The following TUSC3 variants were observed in gnomAD, a reference collection of about 807,000 sequenced individuals.
TUSC3 encodes dolichyl-diphosphooligosaccharide--protein glycosyltransferase subunit TUSC3.
TUSC3 carries 45 observed loss-of-function variants against 44.8 expected under a neutral mutation model. That is an observed-to-expected ratio of 1.00 (90% CI 0.79 to 1.29). The LOEUF (loss-of-function observed/expected upper bound fraction) is 1.29, where lower values mean the gene tolerates loss of function less well. TUSC3 is among the 50% of genes most tolerant of loss of function. The pLI, the probability that TUSC3 is intolerant of heterozygous loss-of-function variation, is 0.00. For missense variants in TUSC3, 519 were observed against 437.9 expected (o/e 1.19, Z -1.65); for synonymous variants, 212 against 152.9 (o/e 1.39, Z -2.85).
chr8:15,740,374 T>G (rs1311357050), intron 7 of TUSC3, among the ~76,000 whole-genome samples: 1 of 152,084 alleles, frequency 6.6e-6, no homozygotes, highest in Admixed American at 6.6e-5. Context: ...ACATTAAAAT[T>G]AAAGTTTTCT....
chr8:15,468,852 A>G (rs149690809), intron 1 of TUSC3, among the ~76,000 whole-genome samples: 138 of 152,232 alleles, frequency 9.1e-4, no homozygotes, highest in African/African-American at 3.2e-3. Flanking sequence ...TTAGAAATAT[A>G]TTAAAATATT....
At chr8:15,449,537 C>A (rs1240780849) in intron 1 of TUSC3, among the ~76,000 whole-genome samples, 2 of 152,078 alleles carry the variant, frequency 1.3e-5, no homozygotes, top group Non-Finnish European at 2.9e-5. Context: ...TGGTTAAAAT[C>A]AGTGGTGGAG....
Position 15,610,617 on chromosome 8 carries a change from C to T in TUSC3, c.139-12463C>T, listed in dbSNP as rs149912869. Among the ~76,000 whole-genome samples, 121 of 152,196 alleles carry T rather than the reference C, an allele frequency of 8.0e-4. 2 individuals are homozygous for T. In the East Asian group the frequency reaches 0.016, roughly 20 times the overall value. On this transcript the variant is annotated intron_variant, in intron 1 of 10. Coordinates refer to ENST00000503731, the MANE Select transcript of TUSC3 (RefSeq NM_006765.4). ...CAAGTTTCGGAAACAGTTGTTACTTCGAAATATTCTTTTTTGCCTTTGAAC... is the reference window on the plus strand; with the variant it reads ...CAAGTTTCGGAAACAGTTGTTACTTTGAAATATTCTTTTTTGCCTTTGAAC...
intron 2 of TUSC3, among the ~76,000 whole-genome samples, chr8:15,516,682 A>G (rs17121568): frequency 6.6e-6 from 1 of 152,116 alleles, no homozygotes; most frequent in Non-Finnish European, 1.5e-5. Context: ...AAAATCTTTC[A>G]CTTTTGGCAG....
intron 2 of TUSC3, among the ~76,000 whole-genome samples, chr8:15,507,504 A>C (rs1193780041): frequency 6.6e-6 from 1 of 152,152 alleles, no homozygotes; most frequent in Non-Finnish European, 1.5e-5. Context: ...TTCAGATTCT[A>C]GCTAATTTCT....
At chr8:15,642,998 G>A (rs1806451068) in intron 2 of TUSC3, among the ~76,000 whole-genome samples, 1 of 152,126 alleles carries the variant, frequency 6.6e-6, no homozygotes, top group Non-Finnish European at 1.5e-5. Flanking sequence ...CCACACAAAT[G>A]TCACTTTGAA....
chr8:15,836,847 A>T, the TUSC3 span, among the ~76,000 whole-genome samples: 1 of 152,110 alleles, frequency 6.6e-6, no homozygotes, highest in Non-Finnish European at 1.5e-5. Flanking sequence ...TTATACTTCT[A>T]CTTTTCCTCT....
At chr8:15,549,465 C>G (rs1563284210) in intron 1 of TUSC3, among the ~76,000 whole-genome samples, 2 of 151,772 alleles carry the variant, frequency 1.3e-5, no homozygotes, top group South Asian at 4.2e-4. Context: ...AGCCACCATG[C>G]TCGGCCTAAT....
chr8:15,585,915 G>A (rs949563616), intron 1 of TUSC3, among the ~76,000 whole-genome samples: 1 of 152,142 alleles, frequency 6.6e-6, no homozygotes, highest in Non-Finnish European at 1.5e-5. Flanking sequence ...GAGAGTTAAA[G>A]CCATGAAAGT....
chr8:15,499,065 T>A (rs1316948818), intron 2 of TUSC3, among the ~76,000 whole-genome samples: 1 of 152,042 alleles, frequency 6.6e-6, no homozygotes, highest in Admixed American at 6.6e-5. Context: ...TTCTCCAACT[T>A]GCCCCAACTC....
rs113651336 is a variant in TUSC3, at chr8:15,589,983, T to G, written c.139-33097T>G. ...TTTTTGGTAGGCGTAGATTTCACTT[T>G]ATAATGTTTGTCTGTAATTTCATAA... On this transcript the variant is annotated intron_variant, in intron 1 of 10. Transcript: ENST00000503731. Among the ~76,000 whole-genome samples, 102 of 152,202 alleles carry G rather than the reference T, an allele frequency of 6.7e-4. 1 individual carries two copies. Among genetic ancestry groups the G allele is most frequent in the Middle Eastern group, 3.4e-3 (1 of 294 alleles).
At chr8:15,757,770 T>C in intron 9 of TUSC3, 21 bp from the exon 10 acceptor site, 1 of 1,479,404 alleles carries the variant, frequency 6.8e-7, no homozygotes, top group Non-Finnish European at 9.5e-7. Context: ...TTGTTGTATT[T>C]CATTGTGGTG....
chr8:15,664,437 T>TTTATTA (rs56049201), intron 5 of TUSC3, among the ~76,000 whole-genome samples: 2,148 of 143,846 alleles, frequency 0.015, 20 homozygotes, highest in Admixed American at 0.022. Context: ...GTTATACAGA[T>TTTATTA]TTATTATTAT....
intron 2 of TUSC3, among the ~76,000 whole-genome samples, chr8:15,486,929 A>C (rs1800740052): frequency 6.6e-6 from 1 of 152,170 alleles, no homozygotes; most frequent in Non-Finnish European, 1.5e-5. Context: ...AATCACTTAA[A>C]TCTTGCATCT....
At chr8:15,831,121 GA>G in the TUSC3 span, among the ~76,000 whole-genome samples, 1,215 of 152,234 alleles carry the variant, frequency 8.0e-3, 11 homozygotes, top group Non-Finnish European at 0.013. Flanking sequence ...AGGAGCTAGA[GA>G]ACAAAGATGG....
At chr8:15,751,462 A>G (rs762601292) in intron 9 of TUSC3, among the ~76,000 whole-genome samples, 10 of 151,934 alleles carry the variant, frequency 6.6e-5, no homozygotes, top group Admixed American at 2.6e-4. Context: ...GCTCCCACCT[A>G]TATATACTAC....
chr8:15,622,225 A>G (rs1210818958), intron 1 of TUSC3, among the ~76,000 whole-genome samples: 1 of 152,138 alleles, frequency 6.6e-6, no homozygotes, highest in African/African-American at 2.4e-5. Flanking sequence ...ACAGTGTTGT[A>G]GAGTTGTTAA....
chr8:15,797,491 A>G, the TUSC3 span, among the ~76,000 whole-genome samples: 67 of 152,276 alleles, frequency 4.4e-4, no homozygotes, highest in Non-Finnish European at 8.8e-5. Context: ...TTCAGGATTT[A>G]TCAGTTACTT....
At chr8:15,693,820 T>G (rs1809028632) in intron 6 of TUSC3, among the ~76,000 whole-genome samples, 1 of 152,134 alleles carries the variant, frequency 6.6e-6, no homozygotes, top group African/African-American at 2.4e-5. Flanking sequence ...TCCCATATTT[T>G]ACATAGGTTC....
Sources: gnomAD v4.1 joint callset for allele counts (sites outside exome capture counted in the v4.1 genomes callset) on GRCh38, gnomAD v4.1.1 for gene constraint, MANE v1.5 for transcripts, NCBI Gene and HGNC (gene_info 2026-07-23, HGNC 2026-07-21) for gene names.